EEF1AKMT1: variants seen among roughly 807,000 people sequenced by gnomAD.
The protein encoded by EEF1AKMT1 is N-6 adenine-specific DNA methyltransferase 2 (putative).
Under a neutral mutation model 21.0 loss-of-function variants are expected in EEF1AKMT1, and 18 were observed. The ratio of observed to expected loss-of-function variants is 0.86; its 90% CI spans 0.59 to 1.27. EEF1AKMT1 has a LOEUF of 1.27. EEF1AKMT1 is among the 50% of genes most tolerant of loss of function. EEF1AKMT1 has a pLI of 0.00. For missense variants in EEF1AKMT1, 246 were observed against 258.6 expected, an observed-to-expected ratio of 0.95 and a Z score of 0.33; for synonymous variants, 109 against 94.8, an observed-to-expected ratio of 1.15 and a Z score of -0.87.
intron 2 of EEF1AKMT1, among the ~76,000 whole-genome samples, chr13:20,750,652 G>A (rs2058935232): frequency 1.3e-5 from 2 of 152,106 alleles, no homozygotes; most frequent in African/African-American, 2.4e-5. Flanking sequence ...GAAACATGAG[G>A]AGCAGGTACG....
chr13:20,743,357 G>A lies in EEF1AKMT1; in HGVS notation c.145-5552C>T, dbSNP rs569835473. ...GCTGGGATTATAAGCGTGAGCCAAC[G>A]TGCCTGGCTAATACTTTTATTATTT... On this transcript the variant is annotated intron_variant, in intron 2 of 4. Transcript: ENST00000382758. Among the ~76,000 whole-genome samples, 122 of 152,092 alleles carry A rather than the reference G, an allele frequency of 8.0e-4. 1 individual carries two copies. Among genetic ancestry groups the A allele is most frequent in the African/African-American group, 2.9e-3 (121 of 41,472 alleles).
Position 20,761,583 on chromosome 13 carries a change from T to C in EEF1AKMT1, c.-19-3966A>G, listed in dbSNP as rs186148306. Among the ~76,000 whole-genome samples, 156 of 152,320 alleles carry C rather than the reference T, an allele frequency of 1.0e-3. 1 individual carries two copies. The highest frequency in any genetic ancestry group is 3.6e-3 in the African/African-American group (151 of 41,560). On this transcript the variant is annotated intron_variant, in intron 1 of 4. Transcript: ENST00000382758. ...TTCTCTGGATAAATGCTCAAGAGTA[T>C]GATGTTGGATTTTATGGTTAGAGTG...
chr13:20,762,073 TG>T (rs1424899797), intron 1 of EEF1AKMT1, among the ~76,000 whole-genome samples: 4 of 152,120 alleles, frequency 2.6e-5, no homozygotes, highest in African/African-American at 9.7e-5. Context: ...TATTTCAGCC[TG>T]GGTAACAGAA....
chr13:20,755,074 G>A (rs2058964493), intron 2 of EEF1AKMT1, among the ~76,000 whole-genome samples: 1 of 152,002 alleles, frequency 6.6e-6, no homozygotes, highest in Non-Finnish European at 1.5e-5. Flanking sequence ...CAGGAGGTTG[G>A]GAAGTGCACA....
intron 2 of EEF1AKMT1, among the ~76,000 whole-genome samples, chr13:20,740,242 C>T (rs1001117644): frequency 9.9e-5 from 15 of 152,240 alleles, no homozygotes; most frequent in African/African-American, 3.1e-4. Context: ...CTGCCAAGCC[C>T]GCACCCACCT....
intron 4 of EEF1AKMT1, among the ~76,000 whole-genome samples, chr13:20,730,529 A>C (rs2772174): frequency 6.6e-6 from 1 of 151,892 alleles, no homozygotes; most frequent in Non-Finnish European, 1.5e-5. Context: ...CTTTGAGACA[A>C]TCTTGCTCCC....
At chr13:20,768,174 T>G (rs551623715) in intron 1 of EEF1AKMT1, among the ~76,000 whole-genome samples, 2 of 152,368 alleles carry the variant, frequency 1.3e-5, no homozygotes, top group African/African-American at 4.8e-5. Context: ...ATAGTTTTTT[T>G]ATGGAATGCC....
intron 3 of EEF1AKMT1, among the ~76,000 whole-genome samples, chr13:20,736,604 G>A (rs1242044232): frequency 6.6e-6 from 1 of 152,000 alleles, no homozygotes; most frequent in Non-Finnish European, 1.5e-5. Context: ...AGAGCCCTGG[G>A]AATAGGGTTT....
chr13:20,744,250 G>A (rs889092051), intron 2 of EEF1AKMT1, among the ~76,000 whole-genome samples: 1 of 152,158 alleles, frequency 6.6e-6, no homozygotes, highest in Non-Finnish European at 1.5e-5. Flanking sequence ...GAGCCTTGAG[G>A]AATCGCCACA....
intron 1 of EEF1AKMT1, among the ~76,000 whole-genome samples, chr13:20,760,291 G>A (rs879721342): frequency 2.6e-5 from 4 of 151,964 alleles, no homozygotes; most frequent in Admixed American, 1.3e-4. Context: ...CAACCTAAGC[G>A]TCCTATCAAA....
At chr13:20,739,279 G>C (rs541800251) in intron 2 of EEF1AKMT1, among the ~76,000 whole-genome samples, 1 of 152,220 alleles carries the variant, frequency 6.6e-6, no homozygotes, top group Non-Finnish European at 1.5e-5. Context: ...CAAACAGTGA[G>C]CAGCAGTAAC....
intron 2 of EEF1AKMT1, among the ~76,000 whole-genome samples, chr13:20,756,242 C>G (rs139421629): frequency 2.8e-4 from 42 of 152,164 alleles, no homozygotes; most frequent in Non-Finnish European, 5.3e-4. Context: ...AGACAAACTT[C>G]AAGCCTTTTC....
chr13:20,738,366 A>G (rs1183068314), intron 2 of EEF1AKMT1, among the ~76,000 whole-genome samples: 1 of 152,142 alleles, frequency 6.6e-6, no homozygotes, highest in Non-Finnish European at 1.5e-5. Flanking sequence ...CTGATTGGTG[A>G]TTTTTAAAAA....
At chr13:20,741,567 C>T (rs556718493) in intron 2 of EEF1AKMT1, among the ~76,000 whole-genome samples, 1 of 151,034 alleles carries the variant, frequency 6.6e-6, no homozygotes, top group East Asian at 2.0e-4. Flanking sequence ...AGCAGTTCTC[C>T]TGCCTCAGCC....
intron 4 of EEF1AKMT1, 75 bp downstream of exon 4, chr13:20,731,765 AG>A (rs1393806069): frequency 6.8e-7 from 1 of 1,465,786 alleles, no homozygotes; most frequent in Admixed American, 2.1e-5. Flanking sequence ...TGGTGGACTC[AG>A]GATTTTTTCT....
chr13:20,758,623 C>T (rs1159869091), intron 1 of EEF1AKMT1, among the ~76,000 whole-genome samples: 1 of 152,024 alleles, frequency 6.6e-6, no homozygotes, highest in East Asian at 1.9e-4. Flanking sequence ...AGATTCAATA[C>T]AATTCCTAAC....
rs1019465705 is a variant in EEF1AKMT1 at position 20,737,814 on chromosome 13, G to A, written c.145-9C>T. 1.9e-6 allele frequency: 3 copies of A among 1,604,530 alleles called. No homozygotes were observed. Among genetic ancestry groups the A allele is most frequent in the African/African-American group, 1.3e-5 (1 of 74,674 alleles). ...CAAAACTGGCTCAGTTGCTGTAACC[G>A]AGAAATAGGTTGATAGCATTTTAGA... On this transcript the variant is annotated splice_polypyrimidine_tract_variant and intron_variant, in intron 2 of 4. Coordinates refer to ENST00000382758, the MANE Select transcript of EEF1AKMT1 (RefSeq NM_001318939.2).
chr13:20,762,509 T>A (rs1391646468), intron 1 of EEF1AKMT1, among the ~76,000 whole-genome samples: 1 of 151,568 alleles, frequency 6.6e-6, no homozygotes, highest in Non-Finnish European at 1.5e-5. Context: ...GTGAGCTGAA[T>A]AGGAGTGATA....
chr13:20,753,745 T>G (rs1354767595), intron 2 of EEF1AKMT1, among the ~76,000 whole-genome samples: 1 of 152,232 alleles, frequency 6.6e-6, no homozygotes, highest in Non-Finnish European at 1.5e-5. Context: ...CCTGCTTGTT[T>G]TTGGCTTCCT....
Sources: gnomAD v4.1 joint callset for allele counts (sites outside exome capture counted in the v4.1 genomes callset) on GRCh38, gnomAD v4.1.1 for gene constraint, MANE v1.5 for transcripts, NCBI Gene and HGNC (gene_info 2026-07-23, HGNC 2026-07-21) for gene names.